TRPM3: variants seen among roughly 807,000 people sequenced by gnomAD.
TRPM3 encodes the protein long transient receptor potential channel 3.
TRPM3 carries 77 observed loss-of-function variants against 181.2 expected under a neutral mutation model. The observed-to-expected ratio is 0.42, with a 90% CI of 0.35 to 0.51. TRPM3 has a LOEUF of 0.51. Ranked by LOEUF, TRPM3 falls within the 20% of genes least tolerant of loss-of-function variation. The pLI is 0.01. For synonymous variants in TRPM3, 745 were observed against 796.4 expected (o/e 0.94, Z 1.09); for missense variants, 1,759 against 2,196.7 (o/e 0.80, Z 3.98).
chr9:71,071,701 T>G (rs1386302528), intron 1 of TRPM3, among the ~76,000 whole-genome samples: 5 of 152,178 alleles, frequency 3.3e-5, no homozygotes, highest in Admixed American at 3.3e-4. Flanking sequence ...GAATTGACTT[T>G]AGTGCCAAAC....
chr9:71,214,431 CAA>C (rs1335227101), intron 1 of TRPM3, among the ~76,000 whole-genome samples: 2 of 152,134 alleles, frequency 1.3e-5, no homozygotes, highest in African/African-American at 4.8e-5. Context: ...TACGCCCACA[CAA>C]AGACTTGCAT....
At chr9:70,964,377 A>C (rs2097165904) in intron 1 of TRPM3, among the ~76,000 whole-genome samples, 1 of 152,098 alleles carries the variant, frequency 6.6e-6, no homozygotes, top group Non-Finnish European at 1.5e-5. Context: ...CAGAGCTTAA[A>C]AACTATGAGA....
chr9:71,308,561 A>C (rs2087606336), intron 1 of TRPM3, among the ~76,000 whole-genome samples: 1 of 152,164 alleles, frequency 6.6e-6, no homozygotes, highest in South Asian at 2.1e-4. Flanking sequence ...AAAGAACCTA[A>C]TCATTTTCTT....
chr9:71,190,839 C>T lies in TRPM3; in HGVS notation c.183+255814G>A, dbSNP rs570082931. Among the ~76,000 whole-genome samples, 34 of 151,884 alleles carry T rather than the reference C, an allele frequency of 2.2e-4. No individual in the cohort carries two copies. The South Asian group carries it at 6.0e-3, about 27-fold the overall frequency. On this transcript the variant is annotated intron_variant, in intron 1 of 24. Coordinates refer to the TRPM3 transcript ENST00000357533. The stretch of plus-strand genomic sequence containing the variant: ...TGGGCAACGTCCTGTAAGGACTCTA[C>T]GACTTAAAGAATGTGTTCAAATTCC...
intron 1 of TRPM3, among the ~76,000 whole-genome samples, chr9:71,089,352 T>A (rs183587575): frequency 6.6e-6 from 1 of 151,340 alleles, no homozygotes; most frequent in Non-Finnish European, 1.5e-5. Context: ...TGGCAATATA[T>A]ACAATACATA....
At chr9:71,422,353 C>T (rs1304212223) in intron 1 of TRPM3, among the ~76,000 whole-genome samples, 3 of 152,002 alleles carry the variant, frequency 2.0e-5, no homozygotes, top group Non-Finnish European at 2.9e-5. Context: ...ATACAGCAAG[C>T]AATGCCACTT....
intron 1 of TRPM3, among the ~76,000 whole-genome samples, chr9:71,209,550 C>T (rs954241994): frequency 1.3e-5 from 2 of 152,144 alleles, no homozygotes; most frequent in Non-Finnish European, 2.9e-5. Flanking sequence ...CAAATATTGG[C>T]ACACCAAAAA....
At chr9:71,420,991 G>GAGGGAAAAAGAGAGAGAAAA (rs1563912568) in intron 1 of TRPM3, among the ~76,000 whole-genome samples, 2 of 127,304 alleles carry the variant, frequency 1.6e-5, no homozygotes, top group African/African-American at 5.8e-5. Context: ...GAGAAAAAGA[G>GAGGGAAAAAGAGAGAGAAAA]AGAGAAAAAG....
chr9:71,373,972 T>G (rs746582210), intron 1 of TRPM3, among the ~76,000 whole-genome samples: 1 of 152,202 alleles, frequency 6.6e-6, no homozygotes, highest in Non-Finnish European at 1.5e-5. Flanking sequence ...TGGTTCAACA[T>G]ACACAAATCA....
At chr9:71,082,507 G>A (rs1160450803) in intron 1 of TRPM3, among the ~76,000 whole-genome samples, 1 of 152,058 alleles carries the variant, frequency 6.6e-6, no homozygotes, top group Non-Finnish European at 1.5e-5. Context: ...TAAATAAAGG[G>A]AATCTATGTT....
At chr9:70,609,982 G>A (rs916125301) in intron 19 of TRPM3, among the ~76,000 whole-genome samples, 31 of 152,060 alleles carry the variant, frequency 2.0e-4, no homozygotes, top group Admixed American at 1.0e-3. Context: ...TCAGGAGGTC[G>A]TCATTTCAGG....
chr9:70,601,947 C>T (rs898317270), intron 20 of TRPM3, among the ~76,000 whole-genome samples: 2 of 152,128 alleles, frequency 1.3e-5, no homozygotes, highest in African/African-American at 4.8e-5. Context: ...CCAGCAGGAG[C>T]GGGCCTCAGT....
intron 6 of TRPM3, among the ~76,000 whole-genome samples, chr9:70,802,960 T>TGTCTATTCTCA (rs1364229922): frequency 6.9e-6 from 1 of 145,044 alleles, no homozygotes; most frequent in African/African-American, 2.5e-5. Context: ...GCCACTAGGG[T>TGTCTATTCTCA]GTCTATTCTC....
intron 1 of TRPM3, among the ~76,000 whole-genome samples, chr9:71,183,814 TG>T (rs2077530909): frequency 1.3e-5 from 2 of 152,104 alleles, no homozygotes; most frequent in African/African-American, 2.4e-5. Context: ...GTTCAATCTA[TG>T]GGGGCATTTG....
intron 8 of TRPM3, among the ~76,000 whole-genome samples, chr9:70,742,372 T>C (rs1240288259): frequency 2.6e-5 from 4 of 152,166 alleles, no homozygotes. Flanking sequence ...ATATATAATG[T>C]ATAGTGATCA....
chr9:70,592,451 T>C (rs147911928), intron 21 of TRPM3, among the ~76,000 whole-genome samples: 74 of 152,342 alleles, frequency 4.9e-4, no homozygotes, highest in African/African-American at 1.7e-3. Flanking sequence ...TGAAGCCGAT[T>C]TGCAAGAGAA....
At chr9:70,892,661 C>T (rs1335567791) in intron 1 of TRPM3, among the ~76,000 whole-genome samples, 1 of 149,446 alleles carries the variant, frequency 6.7e-6, no homozygotes, top group Non-Finnish European at 1.5e-5. Flanking sequence ...GAGAATCTAT[C>T]ACATTCATGG....
chr9:70,627,133 A>G (rs1236261401), intron 12 of TRPM3, among the ~76,000 whole-genome samples: 3 of 152,166 alleles, frequency 2.0e-5, no homozygotes, highest in Non-Finnish European at 2.9e-5. Flanking sequence ...GAATAGCCCT[A>G]GTTCACTATG....
intron 6 of TRPM3, among the ~76,000 whole-genome samples, chr9:70,804,940 ATGCTGAACCTGAAGC>A (rs938855049): frequency 4.0e-4 from 61 of 152,324 alleles, no homozygotes; most frequent in African/African-American, 1.4e-3. Context: ...CCACCATGGC[ATGCTGAACCTGAAGC>A]TGCTGAACTC....
Sources: allele counts gnomAD v4.1 joint callset (sites outside exome capture counted in the v4.1 genomes callset), GRCh38; gene constraint gnomAD v4.1.1; transcripts MANE v1.5; gene names NCBI Gene and HGNC (gene_info 2026-07-23, HGNC 2026-07-21).